Variants in PCDHGA11 observed in about 807,000 individuals in gnomAD.
PCDHGA11 encodes the protein protocadherin gamma-A11.
Under a neutral mutation model 60.4 loss-of-function variants are expected in PCDHGA11, and 39 were observed. The ratio of observed to expected loss-of-function variants is 0.65; its 90% CI spans 0.50 to 0.84. The LOEUF is 0.84. Ranked by LOEUF, PCDHGA11 falls within the 40% of genes least tolerant of loss-of-function variation. The pLI is 0.00. For synonymous variants in PCDHGA11, 533 were observed against 510.3 expected (o/e 1.04, Z -0.60); for missense variants, 1,165 against 1,197.7 (o/e 0.97, Z 0.40).
rs770093591 is a variant in PCDHGA11 at position 141,486,147 on chromosome 5, G to T, written c.2434-8660G>T. ...GAATTTGATGTGCGGGCTCGCGATG[G>T]GGGTTCTCCAGCCATGGAGCAACAT... On this transcript the variant is annotated intron_variant, in intron 1 of 3. Transcript: ENST00000398587. This position sits in a 1 kb window ranked among gnomAD's most constrained non-coding sequence, Gnocchi z 5.0. The T allele has an allele frequency of 6.2e-7, 1 of 1,614,168 alleles. No individual in the cohort carries two copies. The highest frequency in any genetic ancestry group is 1.7e-5 in the Admixed American group (1 of 60,028).
Position 141,431,704 on chromosome 5 carries a change from C to T in PCDHGA11, c.2433+8044C>T. On this transcript the variant is annotated intron_variant, in intron 1 of 3. Transcript: ENST00000398587. The surrounding 1 kb of genome is among the most constrained non-coding windows in gnomAD (Gnocchi z 4.8). ...TGGACCACGAGGAGTCAGGATTCTA[C>T]CAGATGGAAGTGCAAGCAATGGATA... 1 of 1,614,194 alleles carries T rather than the reference C, an allele frequency of 6.2e-7. No homozygotes were observed. The highest frequency in any genetic ancestry group is 8.5e-7 in the Non-Finnish European group (1 of 1,180,036).
At chr5:141,452,792 A>AT (rs745523252) in intron 1 of PCDHGA11, among the ~76,000 whole-genome samples, 15 of 152,178 alleles carry the variant, frequency 9.9e-5, no homozygotes, top group Admixed American at 2.0e-4. Context: ...ACATACCATC[A>AT]TTTTTGCTGT....
Position 141,491,965 on chromosome 5 carries a change from G to A in PCDHGA11, c.2434-2842G>A. 1 of 946,810 alleles carries A rather than the reference G, an allele frequency of 1.1e-6. No individual in the cohort carries two copies. Among genetic ancestry groups the A allele is most frequent in the Non-Finnish European group, 1.5e-6 (1 of 672,398 alleles). 58.7% of individuals were successfully genotyped at this position (946,810 alleles called of 1,614,324 possible). On this transcript the variant is annotated intron_variant, in intron 1 of 3. Coordinates refer to ENST00000398587, the MANE Select transcript of PCDHGA11 (RefSeq NM_018914.3). The surrounding 1 kb of genome is among the most constrained non-coding windows in gnomAD (Gnocchi z 6.9). ...CCCACCCCTACACTCAAAAAAGGCC[G>A]GGGCCTCCTTCGAGCTTCCGGTGAA...
At chr5:141,499,300 C>G (rs2154592463) in intron 2 of PCDHGA11, among the ~76,000 whole-genome samples, 1 of 152,292 alleles carries the variant, frequency 6.6e-6, no homozygotes, top group South Asian at 2.1e-4. Context: ...ACTACCATCC[C>G]TCCTCTGAGA....
intron 1 of PCDHGA11, among the ~76,000 whole-genome samples, chr5:141,438,591 CATATATATATATATATATAT>C (rs946798767): frequency 2.1e-4 from 16 of 75,572 alleles, no homozygotes; most frequent in Middle Eastern, 0.016. Context: ...TACATACATA[CATATATATATATATATATAT>C]ATATATATAT....
At chr5:141,449,467 C>G (rs1356192128) in intron 1 of PCDHGA11, among the ~76,000 whole-genome samples, 1 of 150,842 alleles carries the variant, frequency 6.6e-6, no homozygotes, top group South Asian at 2.1e-4. Flanking sequence ...ATTAGCCAGG[C>G]CTGGTACCCC....
intron 1 of PCDHGA11, among the ~76,000 whole-genome samples, chr5:141,481,245 T>C (rs1362728826): frequency 6.6e-6 from 1 of 152,194 alleles, no homozygotes; most frequent in East Asian, 1.9e-4. Context: ...TTACATAGCA[T>C]AGCTCTAAAA....
At chr5:141,428,004 G>C in intron 1 of PCDHGA11, 1 of 1,601,732 alleles carries the variant, frequency 6.2e-7, no homozygotes, top group East Asian at 2.2e-5. Context: ...CGCACTCTTC[G>C]ATATAGTGCC....
chr5:141,433,209 T>A, intron 1 of PCDHGA11: 3 of 465,024 alleles, frequency 6.5e-6, no homozygotes, highest in South Asian at 1.0e-4. Context: ...ATCTTCTTTC[T>A]TTTTTTTTTT....
rs1395556571 is a variant in PCDHGA11 at position 141,432,581 on chromosome 5, C to CT, written c.2433+8922dup. ...CCAGAACGCCTGGCTGTCCTACCGT[C>CT]TGCTCAAGGCCAGCGAGCCGGGACT... On this transcript the variant is annotated intron_variant, in intron 1 of 3. Coordinates refer to ENST00000398587, the MANE Select transcript of PCDHGA11 (RefSeq NM_018914.3). This position sits in a 1 kb window ranked among gnomAD's most constrained non-coding sequence, Gnocchi z 6.0. 6.2e-7 allele frequency: 1 copy of CT among 1,613,930 alleles called. No homozygotes were observed.
rs1479003983 is a variant in PCDHGA11, at chr5:141,485,352, C to T, written c.2434-9455C>T. On this transcript the variant is annotated intron_variant, in intron 1 of 3. Coordinates refer to ENST00000398587, the MANE Select transcript of PCDHGA11 (RefSeq NM_018914.3). This position sits in a 1 kb window ranked among gnomAD's most constrained non-coding sequence, Gnocchi z 5.7. ...TTCCTGCTGGATACGGACAGTCTGT[C>T]AGCTCGCAGGCTGCAGGTCGCTGGA... 1 of 1,614,136 alleles carries T rather than the reference C, an allele frequency of 6.2e-7. No homozygotes were observed. The highest frequency in any genetic ancestry group is 8.5e-7 in the Non-Finnish European group (1 of 1,180,012).
At chr5:141,478,808 T>C in intron 1 of PCDHGA11, 1 of 1,459,124 alleles carries the variant, frequency 6.9e-7, no homozygotes, top group African/African-American at 1.4e-5. Flanking sequence ...TCTTTTGCTA[T>C]CACAACTAAC....
At chr5:141,479,685 G>A (rs749895405) in intron 1 of PCDHGA11, 3 of 152,248 alleles carry the variant, frequency 2.0e-5, no homozygotes, top group Non-Finnish European at 4.4e-5. Flanking sequence ...AGTCTTTTTG[G>A]TGCCTCCAGT....
chr5:141,492,050 C>CT, intron 1 of PCDHGA11: 1 of 501,102 alleles, frequency 2.0e-6, no homozygotes, highest in Non-Finnish European at 3.5e-6. Flanking sequence ...AGATCCACCC[C>CT]TGCAGCCAGC....
chr5:141,505,402 T>G lies in PCDHGA11; in HGVS notation c.2502T>G (p.Asn834Lys), dbSNP rs1216666169. 1.9e-6 allele frequency: 3 copies of G among 1,614,014 alleles called. No homozygotes were observed. Among genetic ancestry groups the G allele is most frequent in the Non-Finnish European group, 2.5e-6 (3 of 1,180,034 alleles). Residue 834 changes from asparagine (N) to lysine (K), a missense_variant, in exon 3 of 4, where the codon AAT (asparagine) becomes AAG (lysine). Coordinates refer to ENST00000398587, the MANE Select transcript of PCDHGA11 (RefSeq NM_018914.3). The part of the protein sequence containing the change: ...AQRPGTSGSQ[N>K]GDDTGTWPNN... ...CCTACTCTCTCCCCAGCTCCCAAAA[T>G]GGCGATGACACCGGCACCTGGCCCA...
rs201391904 is a variant in PCDHGA11, at chr5:141,494,843, G to A, written c.2470G>A (p.Ala824Thr). Residue 824 changes from alanine to threonine, a missense_variant, in exon 2 of 4, where the codon GCC becomes ACC. Transcript: ENST00000398587. ...PPNTDWRFSQ[A>T]QRPGTSGSQN... is the part of the protein sequence containing the mutation. ...CAACACGGACTGGCGTTTCTCTCAG[G>A]CCCAGAGACCCGGCACCAGCGGGTA... 1.9e-6 allele frequency: 3 copies of A among 1,614,088 alleles called. No homozygotes were observed. Among genetic ancestry groups the A allele is most frequent in the Admixed American group, 3.3e-5 (2 of 60,008 alleles).
intron 1 of PCDHGA11, among the ~76,000 whole-genome samples, chr5:141,451,387 T>C (rs1039738460): frequency 6.6e-6 from 1 of 152,116 alleles, no homozygotes; most frequent in African/African-American, 2.4e-5. Flanking sequence ...TCTCACATAG[T>C]TAATGGCAAA....
chr5:141,431,093 G>A lies in PCDHGA11; in HGVS notation c.2433+7433G>A. 6.2e-7 allele frequency: 1 copy of A among 1,614,250 alleles called. No individual in the cohort carries two copies. The highest frequency in any genetic ancestry group is 8.5e-7 in the Non-Finnish European group (1 of 1,180,032). On this transcript the variant is annotated intron_variant, in intron 1 of 3. Transcript: ENST00000398587. The surrounding 1 kb of genome is among the most constrained non-coding windows in gnomAD (Gnocchi z 4.8). Reference sequence around the variant, plus strand: ...ATTAAATCTAGACATTCTGATGGAGGATAAAGTGAAAATATATGGAGTAGA... The same window carrying A: ...ATTAAATCTAGACATTCTGATGGAGAATAAAGTGAAAATATATGGAGTAGA...
Position 141,512,559 on chromosome 5 carries a change from C to T in PCDHGA11, c.*1386C>T, listed in dbSNP as rs1396321304. The T allele has an allele frequency of 6.5e-6, 1 of 152,904 alleles. No individual in the cohort carries two copies. The highest frequency in any genetic ancestry group is 1.5e-5 in the Non-Finnish European group (1 of 68,438). The allele number at this position is 152,904 out of a possible 1,614,324, so 9.5% of individuals were successfully genotyped here. ...CCCCAGTGCCTCCTTGTGCATAGAC[C>T]TTCTTCTCCCACCCCCTTCTGCCCC... On this transcript the variant is annotated 3_prime_UTR_variant, in exon 4 of 4. Coordinates refer to ENST00000398587, the MANE Select transcript of PCDHGA11 (RefSeq NM_018914.3).
Sources: gnomAD v4.1 joint callset for allele counts (sites outside exome capture counted in the v4.1 genomes callset) on GRCh38, gnomAD v4.1.1 for gene constraint, Gnocchi (gnomAD v3.1) non-coding constraint, MANE v1.5 for transcripts, NCBI Gene and HGNC (gene_info 2026-07-23, HGNC 2026-07-21) for gene names.